CDH10: variants seen among roughly 807,000 people sequenced by gnomAD.
The protein encoded by CDH10 is cadherin-10.
A neutral mutation model predicts 73.1 loss-of-function variants in CDH10; 30 were observed. The observed-to-expected ratio is 0.41, with a 90% CI of 0.31 to 0.56. The LOEUF is 0.56. CDH10 is among the 20% of genes least tolerant of loss of function. The pLI, the probability that CDH10 is intolerant of heterozygous loss-of-function variation, is 0.27. For synonymous variants in CDH10, 345 were observed against 348.2 expected (o/e 0.99, Z 0.10); for missense variants, 815 against 973.7 (o/e 0.84, Z 2.17).
intron 6 of CDH10, among the ~76,000 whole-genome samples, chr5:24,510,244 G>A (rs1165291706): frequency 2.0e-5 from 3 of 152,142 alleles, no homozygotes; most frequent in African/African-American, 4.8e-5. Context: ...TCCATTCAAT[G>A]TAATGGGCTT....
intron 10 of CDH10, among the ~76,000 whole-genome samples, chr5:24,492,077 A>AT (rs1742073631): frequency 6.6e-6 from 1 of 152,184 alleles, no homozygotes. Flanking sequence ...AAAGTGGTAC[A>AT]TTTTTATAAG....
intron 1 of CDH10, among the ~76,000 whole-genome samples, chr5:24,602,227 T>A (rs1746590855): frequency 6.6e-6 from 1 of 152,132 alleles, no homozygotes; most frequent in Admixed American, 6.5e-5. Flanking sequence ...AGATTATACA[T>A]TAGTCCTTGC....
chr5:24,567,929 A>G (rs574580837), intron 2 of CDH10, among the ~76,000 whole-genome samples: 112 of 152,246 alleles, frequency 7.4e-4, no homozygotes, highest in South Asian at 1.2e-3. Context: ...TGATATAAAA[A>G]TGTACACTTC....
chr5:24,560,200 TTGTGTGTG>T (rs70965615), intron 2 of CDH10, among the ~76,000 whole-genome samples: 9,007 of 148,068 alleles, frequency 0.061, 314 homozygotes, highest in Middle Eastern at 0.16. Flanking sequence ...ATATTTGCAA[TTGTGTGTG>T]TGTGTGTGTG....
intron 2 of CDH10, among the ~76,000 whole-genome samples, chr5:24,563,775 C>CAA (rs56666966): frequency 1.2e-3 from 148 of 128,678 alleles, no homozygotes; most frequent in East Asian, 4.5e-3. Context: ...CCCCCTCCAC[C>CAA]AAAAAAAAAA....
chr5:24,619,225 A>G (rs1383370790), intron 1 of CDH10, among the ~76,000 whole-genome samples: 2 of 151,038 alleles, frequency 1.3e-5, no homozygotes, highest in Non-Finnish European at 2.9e-5. Flanking sequence ...ACGTAGTCTC[A>G]CTCTGCCACC....
chr5:24,488,271 G>T, intron 11 of CDH10, 118 bp from the exon 12 acceptor site: 1 of 885,570 alleles, frequency 1.1e-6, no homozygotes, highest in Non-Finnish European at 1.7e-6. Flanking sequence ...TAGACTTTCA[G>T]ATTAATTTTG....
intron 11 of CDH10, among the ~76,000 whole-genome samples, chr5:24,491,257 C>T (rs1429631231): frequency 6.6e-6 from 1 of 152,144 alleles, no homozygotes; most frequent in Admixed American, 6.6e-5. Flanking sequence ...ATTCTGCATT[C>T]ATTGTTCTTG....
At chr5:24,557,263 T>G (rs1245971155) in intron 2 of CDH10, among the ~76,000 whole-genome samples, 1 of 151,806 alleles carries the variant, frequency 6.6e-6, no homozygotes, top group Non-Finnish European at 1.5e-5. Context: ...AATTTTTTAA[T>G]TTGAAATTTT....
intron 8 of CDH10, among the ~76,000 whole-genome samples, chr5:24,498,910 T>C (rs1742390807): frequency 6.6e-6 from 1 of 152,164 alleles, no homozygotes; most frequent in Non-Finnish European, 1.5e-5. Context: ...ATAGTTTTTT[T>C]TGTTTGTTTT....
chr5:24,511,073 T>C (rs1332127452), intron 6 of CDH10, among the ~76,000 whole-genome samples: 1 of 152,256 alleles, frequency 6.6e-6, no homozygotes, highest in Admixed American at 6.5e-5. Context: ...CTTAGAAATA[T>C]GATCACACAT....
chr5:24,620,234 C>A (rs887333565), intron 1 of CDH10, among the ~76,000 whole-genome samples: 1 of 152,096 alleles, frequency 6.6e-6, no homozygotes, highest in African/African-American at 2.4e-5. Flanking sequence ...TGTTTTCTGA[C>A]GTCCTTTTGT....
chr5:24,592,284 ATAT>A (rs1746225125), intron 2 of CDH10, among the ~76,000 whole-genome samples: 1 of 151,842 alleles, frequency 6.6e-6, no homozygotes, highest in Admixed American at 6.6e-5. Context: ...TTGAATGAAG[ATAT>A]TATAGTTAAG....
chr5:24,614,569 G>A (rs761507053), intron 1 of CDH10, among the ~76,000 whole-genome samples: 23 of 152,126 alleles, frequency 1.5e-4, no homozygotes, highest in African/African-American at 1.9e-4. Flanking sequence ...AGGGATGAAC[G>A]TCTCCATTTT....
chr5:24,502,785 C>T (rs1405377202), intron 8 of CDH10, among the ~76,000 whole-genome samples: 1 of 152,040 alleles, frequency 6.6e-6, no homozygotes, highest in East Asian at 1.9e-4. Context: ...GCAGAGAGCA[C>T]AATCATGATT....
chr5:24,589,364 G>A (rs957140248), intron 2 of CDH10, among the ~76,000 whole-genome samples: 2 of 152,098 alleles, frequency 1.3e-5, no homozygotes, highest in Non-Finnish European at 2.9e-5. Flanking sequence ...ATATTTAGAA[G>A]TATTGACAGC....
rs190430419 is a variant in CDH10, at chr5:24,571,983, A to T, written c.231+21277T>A. On this transcript the variant is annotated intron_variant, in intron 2 of 11. Coordinates refer to ENST00000264463, the MANE Select transcript of CDH10 (RefSeq NM_006727.5). ...AAACACTGCTACAAATAAAAAAAAA[A>T]AATCGACAGAAGGGTGGACTCAAAT... Among the ~76,000 whole-genome samples the T allele has an allele frequency of 6.4e-3, 967 of 152,244 alleles. 13 individuals carry two copies. Among genetic ancestry groups the T allele is most frequent in the African/African-American group, 0.022 (918 of 41,530 alleles).
chr5:24,504,228 T>C (rs1171948721), intron 8 of CDH10, among the ~76,000 whole-genome samples: 2 of 152,066 alleles, frequency 1.3e-5, no homozygotes, highest in Non-Finnish European at 2.9e-5. Flanking sequence ...AAAACCCCCA[T>C]ATAGAAGATG....
chr5:24,581,262 A>G (rs1356620156), intron 2 of CDH10, among the ~76,000 whole-genome samples: 1 of 151,930 alleles, frequency 6.6e-6, no homozygotes, highest in Non-Finnish European at 1.5e-5. Context: ...GAACCTCTCA[A>G]TTTTAAAGCA....
Sources: allele counts gnomAD v4.1 joint callset (sites outside exome capture counted in the v4.1 genomes callset), GRCh38; gene constraint gnomAD v4.1.1; transcripts MANE v1.5; gene names NCBI Gene and HGNC (gene_info 2026-07-23, HGNC 2026-07-21).